Variants in PIEZO2 observed in about 807,000 individuals in gnomAD.
PIEZO2 encodes the protein piezo type mechanosensitive ion channel component 2.
Under a neutral mutation model 337.3 loss-of-function variants are expected in PIEZO2, and 172 were observed. The ratio of observed to expected loss-of-function variants is 0.51; its 90% CI spans 0.45 to 0.58. The LOEUF is 0.58. Ranked by LOEUF, PIEZO2 falls within the 20% of genes least tolerant of loss-of-function variation. The pLI, the probability that PIEZO2 is intolerant of heterozygous loss-of-function variation, is 0.00. For missense variants in PIEZO2, 3,028 were observed against 3,391.3 expected (o/e 0.89, Z 2.66); for synonymous variants, 1,251 against 1,228.5 (o/e 1.02, Z -0.38).
chr18:10,892,664 A>C (rs545387856), intron 4 of PIEZO2, among the ~76,000 whole-genome samples: 3 of 152,148 alleles, frequency 2.0e-5, no homozygotes, highest in African/African-American at 7.2e-5. Context: ...GGGAGAGAGA[A>C]AGATGGGGAG....
intron 1 of PIEZO2, among the ~76,000 whole-genome samples, chr18:11,087,223 T>G (rs1225701205): frequency 6.6e-6 from 1 of 152,132 alleles, no homozygotes; most frequent in East Asian, 1.9e-4. Flanking sequence ...CAGCCAGAAG[T>G]GTGAGAAATA....
Position 10,830,683 on chromosome 18 carries a change from T to A in PIEZO2, c.918-23409A>T, listed in dbSNP as rs1386360639. 3.3e-5 allele frequency among the ~76,000 whole-genome samples: 5 copies of A among 152,114 alleles called. No homozygotes were observed. The highest frequency in any genetic ancestry group is 7.4e-5 in the Non-Finnish European group (5 of 68,024). On this transcript the variant is annotated intron_variant, in intron 7 of 55. Coordinates refer to ENST00000674853, the MANE Select transcript of PIEZO2 (RefSeq NM_001378183.1). This position sits in a 1 kb window ranked among gnomAD's most constrained non-coding sequence, Gnocchi z 4.7. ...CCAAAGCAAAAATGAGCAAATGGAA[T>A]CACATCAGATTGAAACGCTTCTGAA...
At chr18:10,916,936 C>G (rs1300674946) in intron 3 of PIEZO2, among the ~76,000 whole-genome samples, 1 of 152,136 alleles carries the variant, frequency 6.6e-6, no homozygotes, top group Non-Finnish European at 1.5e-5. Context: ...TTAAAAAATA[C>G]CTTTTTTATT....
At chr18:10,730,342 T>C (rs2036714266) in intron 36 of PIEZO2, among the ~76,000 whole-genome samples, 1 of 152,266 alleles carries the variant, frequency 6.6e-6, no homozygotes, top group African/African-American at 2.4e-5. Flanking sequence ...TTGTATTTCT[T>C]GTATTATAGT....
chr18:10,844,193 C>T lies in PIEZO2; in HGVS notation c.917+11160G>A, dbSNP rs528999952. ...CAGCACTTTGGGAGGCCAAGGAGGG[C>T]GGATCATTTGAGGCCAGGAGTTCGA... is the stretch of plus-strand genomic sequence containing the variant. On this transcript the variant is annotated intron_variant, in intron 7 of 55. Transcript: ENST00000674853. 4.6e-5 allele frequency among the ~76,000 whole-genome samples: 7 copies of T among 150,946 alleles called. No individual in the cohort carries two copies. The South Asian group carries it at 1.1e-3, about 23-fold the overall frequency.
Position 10,746,070 on chromosome 18 carries a change from A to G in PIEZO2, c.4425-1839T>C, listed in dbSNP as rs1280280737. ...CTGGAATATCTTTCTCAGTGATCCT[A>G]TCCTGGTCTAGCTGCTATCTCTACC... On this transcript the variant is annotated intron_variant, in intron 30 of 55. Coordinates refer to ENST00000674853, the MANE Select transcript of PIEZO2 (RefSeq NM_001378183.1). The surrounding 1 kb of genome is among the most constrained non-coding windows in gnomAD (Gnocchi z 4.2). Among the ~76,000 whole-genome samples the G allele has an allele frequency of 2.6e-5, 4 of 151,994 alleles. No individual in the cohort carries two copies. Among genetic ancestry groups the G allele is most frequent in the Non-Finnish European group, 4.4e-5 (3 of 68,014 alleles).
At chr18:10,747,624 T>C (rs1473811681) in intron 30 of PIEZO2, among the ~76,000 whole-genome samples, 1 of 152,094 alleles carries the variant, frequency 6.6e-6, no homozygotes, top group African/African-American at 2.4e-5. Context: ...TAACTGCAGG[T>C]CCCCGACTAG....
intron 4 of PIEZO2, among the ~76,000 whole-genome samples, chr18:10,901,424 A>ACACG: frequency 1.1e-5 from 1 of 88,616 alleles, no homozygotes; most frequent in African/African-American, 4.8e-5. Context: ...ATTCACACAC[A>ACACG]CACACGCACA....
intron 2 of PIEZO2, among the ~76,000 whole-genome samples, chr18:11,034,539 C>T (rs988505460): frequency 6.6e-6 from 1 of 152,254 alleles, no homozygotes; most frequent in South Asian, 2.1e-4. Context: ...GTGATCTGCC[C>T]GCCTCGGCCT....
chr18:10,720,731 C>T (rs2036277258), intron 36 of PIEZO2, among the ~76,000 whole-genome samples: 1 of 151,924 alleles, frequency 6.6e-6, no homozygotes, highest in African/African-American at 2.4e-5. Context: ...AGGCATAAGC[C>T]ACAGCTCCTG....
intron 39 of PIEZO2, among the ~76,000 whole-genome samples, chr18:10,711,809 ATAT>A (rs201233668): frequency 0.013 from 2,043 of 152,320 alleles, 51 homozygotes; most frequent in African/African-American, 0.045. Context: ...TTCCAGTTGA[ATAT>A]GATCATGACT....
Position 11,038,231 on chromosome 18 carries a change from C to A in PIEZO2, c.160+27896G>T, listed in dbSNP as rs1387624310. Among the ~76,000 whole-genome samples, 1 of 152,134 alleles carries A rather than the reference C, an allele frequency of 6.6e-6. No individual in the cohort carries two copies. The highest frequency in any genetic ancestry group is 1.5e-5 in the Non-Finnish European group (1 of 68,036). ...CAGTAACACAGCCATAAAAATCATA[C>A]CACCCGTTCACATATAATTCATCAT... On this transcript the variant is annotated intron_variant, in intron 2 of 55. Transcript: ENST00000674853. This position sits in a 1 kb window ranked among gnomAD's most constrained non-coding sequence, Gnocchi z 4.1.
chr18:10,718,121 G>A, intron 37 of PIEZO2, 79 bp downstream of exon 37: 3 of 1,243,562 alleles, frequency 2.4e-6, no homozygotes, highest in Non-Finnish European at 3.4e-6. Context: ...AATTTTTCAG[G>A]CAGCCTTCCA....
chr18:10,946,179 T>C (rs1233763884), intron 3 of PIEZO2, among the ~76,000 whole-genome samples: 1 of 152,106 alleles, frequency 6.6e-6, no homozygotes, highest in Non-Finnish European at 1.5e-5. Flanking sequence ...ATAATTTAAA[T>C]GCTCAAAATC....
At chr18:10,743,912 A>T (rs2037321700) in intron 31 of PIEZO2, among the ~76,000 whole-genome samples, 1 of 152,244 alleles carries the variant, frequency 6.6e-6, no homozygotes, top group Admixed American at 6.5e-5. Context: ...CCTCTGCAAG[A>T]TAGCGCCCAC....
At chr18:10,686,206 C>T (rs1183931807) in intron 49 of PIEZO2, among the ~76,000 whole-genome samples, 1 of 152,206 alleles carries the variant, frequency 6.6e-6, no homozygotes, top group Admixed American at 6.5e-5. Flanking sequence ...AGCACCCATC[C>T]TACCTTTGAA....
At chr18:11,074,265 AC>A (rs759147114) in intron 1 of PIEZO2, among the ~76,000 whole-genome samples, 23 of 151,890 alleles carry the variant, frequency 1.5e-4, no homozygotes, top group Non-Finnish European at 1.6e-4. Flanking sequence ...GTCCCCTGAT[AC>A]CCCACCTTTC....
At position 11,001,355 on chromosome 18, in the gene PIEZO2, A is replaced by G. The variant is rs1056999790; in HGVS notation, c.161-21695T>C. On this transcript the variant is annotated intron_variant, in intron 2 of 55. Coordinates refer to ENST00000674853, the MANE Select transcript of PIEZO2 (RefSeq NM_001378183.1). This position sits in a 1 kb window ranked among gnomAD's most constrained non-coding sequence, Gnocchi z 5.3. ...ATCTTGCTAGGCATGCACCACCGAA[A>G]AAGTTATTCCTCTAGGGAACTTCGA... Among the ~76,000 whole-genome samples the G allele has an allele frequency of 6.6e-6, 1 of 152,116 alleles. No homozygotes were observed. Among genetic ancestry groups the G allele is most frequent in the Non-Finnish European group, 1.5e-5 (1 of 68,030 alleles).
At chr18:10,718,125 C>G in intron 37 of PIEZO2, 75 bp downstream of exon 37, 1 of 1,279,796 alleles carries the variant, frequency 7.8e-7, no homozygotes, top group South Asian at 1.3e-5. Flanking sequence ...TTTCAGGCAG[C>G]CTTCCATTAT....
Sources: allele counts gnomAD v4.1 joint callset (sites outside exome capture counted in the v4.1 genomes callset), GRCh38; gene constraint gnomAD v4.1.1; non-coding constraint Gnocchi (gnomAD v3.1); transcripts MANE v1.5; gene names NCBI Gene and HGNC (gene_info 2026-07-23, HGNC 2026-07-21).